The following ZNF304 variants were observed in gnomAD, a reference collection of about 807,000 sequenced individuals.
ZNF304 encodes the protein KRAB-containing zinc finger protein.
ZNF304 carries 7 observed loss-of-function variants against 7.8 expected under a neutral mutation model. That is an observed-to-expected ratio of 0.90 (90% CI 0.51 to 1.69). The LOEUF is 1.69. ZNF304 is among the 40% of genes most tolerant of loss of function. The probability of loss-of-function intolerance (pLI) is 0.00; values close to 1 mark genes in which losing one functional copy is unlikely to be tolerated. For missense variants in ZNF304, 669 were observed against 804.8 expected (o/e 0.83, Z 2.04); for synonymous variants, 280 against 272.4 (o/e 1.03, Z -0.27).
In ZNF304 at chr19:57,356,413, C is replaced by T; in HGVS notation, c.544C>T (p.Leu182Phe). ...GATGGACTTACCAGATAGCTCTGGC[C>T]TTTTCCAGCACCAGACCACTTACAA... The part of the protein sequence containing the change: ...EGMDLPDSSG[L>F]FQHQTTYNRV... The change falls in exon 3 of 3, where the codon CTT (leucine) becomes TTT (phenylalanine). Residue 182 changes from leucine (L) to phenylalanine (F), a missense_variant. Physicochemically the swap from Leu to Phe is conservative, Grantham distance 22. Transcript: ENST00000282286. 6.2e-7 allele frequency: 1 copy of T among 1,614,138 alleles called. No homozygotes were observed. The highest frequency in any genetic ancestry group is 2.2e-5 in the East Asian group (1 of 44,876).
intron 1 of ZNF304, 94 bp from the exon 2 acceptor site, chr19:57,353,631 G>A: frequency 2.0e-6 from 3 of 1,488,732 alleles, no homozygotes; most frequent in Non-Finnish European, 2.7e-6. Context: ...GGAGGCGAGG[G>A]ACTAGAGAGT....
chr19:57,355,935 G>A (rs997365493), intron 2 of ZNF304, 95 bp from the exon 3 acceptor site: 4 of 1,399,540 alleles, frequency 2.9e-6, no homozygotes, highest in African/African-American at 1.4e-5. Context: ...CAACAAGCCA[G>A]TGGACTCGCA....
rs2122984024 is a variant in ZNF304, at chr19:57,356,181, G to T, written c.312G>T (p.Leu104=). Residue 104 remains leucine, a synonymous_variant, in exon 3 of 3, where the codon CTG becomes CTT. Transcript: ENST00000282286. ...CACTCTTGAAAGACATTTTGCACCT[G>T]GCTGAACACCAGGGATCACACCTTA... is the stretch of plus-strand genomic sequence containing the variant. ...CDPLLKDILH[L]AEHQGSHLTQ... 6.2e-7 allele frequency: 1 copy of T among 1,614,230 alleles called. No individual in the cohort carries two copies. The highest frequency in any genetic ancestry group is 2.2e-5 in the East Asian group (1 of 44,888).
intron 1 of ZNF304, chr19:57,352,679 G>C (rs1293235446): frequency 6.6e-6 from 1 of 152,328 alleles, no homozygotes; most frequent in Non-Finnish European, 1.5e-5. Context: ...GTGAGCATGA[G>C]GGAGCAGCTA....
Position 57,359,025 on chromosome 19 carries a change from A to T in ZNF304, c.*1176A>T, listed in dbSNP as rs2088387970. On this transcript the variant is annotated 3_prime_UTR_variant, in exon 3 of 3. Coordinates refer to ENST00000282286, the MANE Select transcript of ZNF304 (RefSeq NM_020657.4). Reference sequence around the variant, plus strand: ...GTGGCAAACAAAAGGAGATTCGAACATTCTAGAGGGGCATCCACAAGTCTC... The same window carrying T: ...GTGGCAAACAAAAGGAGATTCGAACTTTCTAGAGGGGCATCCACAAGTCTC... 1 of 152,020 alleles carries T rather than the reference A, an allele frequency of 6.6e-6. No homozygotes were observed. Among genetic ancestry groups the T allele is most frequent in the African/African-American group, 2.4e-5 (1 of 41,376 alleles). 9.4% of individuals were successfully genotyped at this position (152,020 alleles called of 1,614,324 possible). A position where few individuals can be genotyped will look rare whatever the true frequency, so the allele number is the denominator to read the frequency against.
In ZNF304 at chr19:57,351,947, G is replaced by A. The variant is rs1446673593; in HGVS notation, c.33+250G>A. The A allele has an allele frequency of 1.1e-5, 5 of 469,182 alleles. No individual in the cohort carries two copies. Among genetic ancestry groups the A allele is most frequent in the African/African-American group, 1.0e-4 (5 of 49,040 alleles). The allele number at this position is 469,182 out of a possible 1,614,324, so 29.1% of individuals were successfully genotyped here. ...TGTGCCTGGTGAGAACAGGGACTAG[G>A]GGGTCAGAGGTAGGCCTGGAATGGC... On this transcript the variant is annotated intron_variant, in intron 1 of 2. Transcript: ENST00000282286. This position sits in a 1 kb window ranked among gnomAD's most constrained non-coding sequence, Gnocchi z 4.1.
chr19:57,354,849 TCTC>T (rs1230290978), intron 2 of ZNF304, among the ~76,000 whole-genome samples: 1 of 152,180 alleles, frequency 6.6e-6, no homozygotes, highest in Non-Finnish European at 1.5e-5. Flanking sequence ...CCATGACTCT[TCTC>T]CTTCCCTTCT....
chr19:57,351,350 C>T lies in ZNF304; in HGVS notation c.-315C>T. On this transcript the variant is annotated 5_prime_UTR_variant, in exon 1 of 3. Coordinates refer to ENST00000282286, the MANE Select transcript of ZNF304 (RefSeq NM_020657.4). The surrounding 1 kb of genome is among the most constrained non-coding windows in gnomAD (Gnocchi z 4.1). ...GATCGGGTCGGCTTTCTACGCGGCT[C>T]TCGTGGAACCTAGCAAAGAAAGACA... 2.5e-6 allele frequency: 1 copy of T among 407,806 alleles called. No homozygotes were observed. Among genetic ancestry groups the T allele is most frequent in the South Asian group, 3.4e-5 (1 of 29,400 alleles). The allele number at this position is 407,806 out of a possible 1,614,324, so 25.3% of individuals were successfully genotyped here. A position where few individuals can be genotyped will look rare whatever the true frequency, so the allele number is the denominator to read the frequency against.
Position 57,357,916 on chromosome 19 carries a change from A to G in ZNF304, c.*67A>G. On this transcript the variant is annotated 3_prime_UTR_variant, in exon 3 of 3. Transcript: ENST00000282286. ...AAAATATGTCATCTTGTTCATCCTC[A>G]TAGGACTCACACCAGAGCAATGCTC... The G allele has an allele frequency of 6.5e-7, 1 of 1,527,746 alleles. No individual in the cohort carries two copies. Among genetic ancestry groups the G allele is most frequent in the Middle Eastern group, 1.8e-4 (1 of 5,626 alleles). 94.6% of individuals were successfully genotyped at this position (1,527,746 alleles called of 1,614,324 possible).
chr19:57,356,147 T>C lies in ZNF304; in HGVS notation c.278T>C (p.Met93Thr). ...GLFQKAHPCE[M>T]CDPLLKDILH... Reference sequence around the variant, plus strand: ...TTCCAGAAAGCACACCCATGTGAGATGTGTGACCCACTCTTGAAAGACATT... The same window carrying C: ...TTCCAGAAAGCACACCCATGTGAGACGTGTGACCCACTCTTGAAAGACATT... The change falls in exon 3 of 3, where the codon ATG becomes ACG. Residue 93 changes from methionine (M) to threonine (T), a missense_variant. Met to Thr is a moderately conservative substitution (Grantham distance 81). Transcript: ENST00000282286. 6.2e-7 allele frequency: 1 copy of C among 1,614,248 alleles called. No individual in the cohort carries two copies. Among genetic ancestry groups the C allele is most frequent in the Non-Finnish European group, 8.5e-7 (1 of 1,180,036 alleles).
chr19:57,353,627 G>C, intron 1 of ZNF304, 98 bp from the exon 2 acceptor site: 1 of 1,459,228 alleles, frequency 6.9e-7, no homozygotes, highest in East Asian at 2.4e-5. Context: ...CTGGGGAGGC[G>C]AGGGACTAGA....
At position 57,351,781 on chromosome 19, in the gene ZNF304, T is replaced by C; in HGVS notation, c.33+84T>C. Reference sequence around the variant, plus strand: ...GCTCTCATCGCGCACTTCAGGGTGCTCACTCCGTCGCATTATGTGGAGGGG... The same window carrying C: ...GCTCTCATCGCGCACTTCAGGGTGCCCACTCCGTCGCATTATGTGGAGGGG... On this transcript the variant is annotated intron_variant, in intron 1 of 2. Transcript: ENST00000282286. This position sits in a 1 kb window ranked among gnomAD's most constrained non-coding sequence, Gnocchi z 4.1. 1 of 1,459,610 alleles carries C rather than the reference T, an allele frequency of 6.9e-7. No homozygotes were observed. Among genetic ancestry groups the C allele is most frequent in the Non-Finnish European group, 9.3e-7 (1 of 1,073,938 alleles). 90.4% of individuals were successfully genotyped at this position (1,459,610 alleles called of 1,614,324 possible). A position where few individuals can be genotyped will look rare whatever the true frequency, so the allele number is the denominator to read the frequency against.
intron 1 of ZNF304, among the ~76,000 whole-genome samples, chr19:57,353,224 G>A (rs1282242045): frequency 1.3e-5 from 2 of 152,226 alleles, no homozygotes; most frequent in African/African-American, 2.4e-5. Flanking sequence ...ACTGCTTGCA[G>A]AGTGGCATGG....
chr19:57,353,639 A>G, intron 1 of ZNF304, 86 bp from the exon 2 acceptor site: 1 of 1,496,362 alleles, frequency 6.7e-7, no homozygotes. Context: ...GGGACTAGAG[A>G]GTGGGTGTGT....
At chr19:57,354,620 A>G (rs1381991999) in intron 2 of ZNF304, among the ~76,000 whole-genome samples, 2 of 152,178 alleles carry the variant, frequency 1.3e-5, no homozygotes, top group African/African-American at 2.4e-5. Flanking sequence ...GTGTCATTTC[A>G]TTATTTTTGC....
chr19:57,355,280 T>G (rs200874600), intron 2 of ZNF304: 1 of 765,302 alleles, frequency 1.3e-6, no homozygotes, highest in Non-Finnish European at 2.4e-6. Flanking sequence ...GCTTTCATTT[T>G]CCCAGTCCCA....
At position 57,359,415 on chromosome 19, in the gene ZNF304, A is replaced by G. The variant is rs1296405290; in HGVS notation, c.*1566A>G. On this transcript the variant is annotated 3_prime_UTR_variant, in exon 3 of 3. Transcript: ENST00000282286. ...TTTCCTAGTGGAACAGTATATATAG[A>G]TTTTAATGAGGAACATTTATTTAAT... 1 of 152,238 alleles carries G rather than the reference A, an allele frequency of 6.6e-6. No individual in the cohort carries two copies. The highest frequency in any genetic ancestry group is 1.5e-5 in the Non-Finnish European group (1 of 68,042). 9.4% of individuals were successfully genotyped at this position (152,238 alleles called of 1,614,324 possible). A position where few individuals can be genotyped will look rare whatever the true frequency, so the allele number is the denominator to read the frequency against.
In ZNF304 at chr19:57,357,893, AAT is replaced by A. The variant is rs768362892; in HGVS notation, c.*47_*48del. 6.5e-7 allele frequency: 1 copy of A among 1,545,946 alleles called. No individual in the cohort carries two copies. The highest frequency in any genetic ancestry group is 8.7e-7 in the Non-Finnish European group (1 of 1,151,190). ...AGAGAAAGGCCTTATGAATGCAGAA[AAT>A]ATGTCATCTTGTTCATCCTCATAGG... On this transcript the variant is annotated 3_prime_UTR_variant, in exon 3 of 3. Coordinates refer to ENST00000282286, the MANE Select transcript of ZNF304 (RefSeq NM_020657.4).
Position 57,358,019 on chromosome 19 carries a change from A to G in ZNF304, c.*170A>G. 1 of 790,518 alleles carries G rather than the reference A, an allele frequency of 1.3e-6. No homozygotes were observed. Among genetic ancestry groups the G allele is most frequent in the South Asian group, 1.9e-5 (1 of 52,006 alleles). The allele number at this position is 790,518 out of a possible 1,614,324, so 49.0% of individuals were successfully genotyped here. On this transcript the variant is annotated 3_prime_UTR_variant, in exon 3 of 3. Coordinates refer to ENST00000282286, the MANE Select transcript of ZNF304 (RefSeq NM_020657.4). ...TCATTCCACCCTGGGGAGATTCCTGATAAGCACCACATATGTGGGAGGCTT... is the reference window on the plus strand; with the variant it reads ...TCATTCCACCCTGGGGAGATTCCTGGTAAGCACCACATATGTGGGAGGCTT...
Sources: gnomAD v4.1 joint callset for allele counts (sites outside exome capture counted in the v4.1 genomes callset) on GRCh38, gnomAD v4.1.1 for gene constraint, Gnocchi (gnomAD v3.1) non-coding constraint, MANE v1.5 for transcripts, NCBI Gene and HGNC (gene_info 2026-07-23, HGNC 2026-07-21) for gene names.